The following SLC44A5 variants were observed in gnomAD, a reference collection of about 807,000 sequenced individuals.
SLC44A5 encodes the protein choline transporter-like protein 5.
Under a neutral mutation model 101.8 loss-of-function variants are expected in SLC44A5, and 57 were observed. The observed-to-expected ratio is 0.56, with a 90% CI of 0.45 to 0.70. The LOEUF is 0.70. Ranked by LOEUF, SLC44A5 falls within the 30% of genes least tolerant of loss-of-function variation. SLC44A5 has a pLI of 0.00. For missense variants in SLC44A5, 737 were observed against 853.1 expected (o/e 0.86, Z 1.70); for synonymous variants, 281 against 290.9 (o/e 0.97, Z 0.35).
chr1:75,270,020 T>C (rs567451233), intron 6 of SLC44A5, among the ~76,000 whole-genome samples: 168 of 152,242 alleles, frequency 1.1e-3, no homozygotes, highest in Admixed American at 3.5e-3. Context: ...TTCTGTCTTG[T>C]CTGCCACCGT....
intron 2 of SLC44A5, among the ~76,000 whole-genome samples, chr1:75,481,360 T>C: frequency 6.6e-6 from 1 of 152,064 alleles, no homozygotes; most frequent in East Asian, 1.9e-4. Context: ...ACTTCATATC[T>C]AAAACACCAA....
intron 1 of SLC44A5, chr1:75,582,351 C>T: frequency 8.8e-7 from 1 of 1,141,650 alleles, no homozygotes. Flanking sequence ...CCCAAGATCC[C>T]AAAGGGTGTC....
intron 1 of SLC44A5, among the ~76,000 whole-genome samples, chr1:75,578,704 A>G (rs1673513283): frequency 6.6e-6 from 1 of 152,174 alleles, no homozygotes; most frequent in Admixed American, 6.6e-5. Flanking sequence ...AACAAGTTCC[A>G]GAGCTTTATT....
At chr1:75,451,204 G>A (rs1665889380) in intron 2 of SLC44A5, among the ~76,000 whole-genome samples, 1 of 152,176 alleles carries the variant, frequency 6.6e-6, no homozygotes, top group Non-Finnish European at 1.5e-5. Context: ...CTGCCCACCA[G>A]AGCTGAGCAG....
chr1:75,699,779 CA>C, the SLC44A5 span, among the ~76,000 whole-genome samples: 1 of 152,070 alleles, frequency 6.6e-6, no homozygotes, highest in East Asian at 1.9e-4. Flanking sequence ...TGCAGAGACA[CA>C]CATAGGCTCA....
chr1:75,387,426 A>G, intron 3 of SLC44A5, among the ~76,000 whole-genome samples: 1 of 104,464 alleles, frequency 9.6e-6, no homozygotes, highest in Non-Finnish European at 1.9e-5. Flanking sequence ...TTCTCAAAAG[A>G]AGACATTTAT....
At chr1:75,376,129 C>T (rs531228302) in intron 3 of SLC44A5, among the ~76,000 whole-genome samples, 14 of 152,290 alleles carry the variant, frequency 9.2e-5, no homozygotes, top group South Asian at 4.1e-4. Flanking sequence ...CTTTTCCGAC[C>T]GGCTTAAAAA....
chr1:75,331,181 T>C (rs1286141833), intron 4 of SLC44A5, among the ~76,000 whole-genome samples: 1 of 152,056 alleles, frequency 6.6e-6, no homozygotes, highest in East Asian at 1.9e-4. Context: ...GGCAGACAAC[T>C]CCCAATTCTT....
At chr1:75,585,032 C>T (rs1673916069) in intron 1 of SLC44A5, among the ~76,000 whole-genome samples, 1 of 152,168 alleles carries the variant, frequency 6.6e-6, no homozygotes, top group Admixed American at 6.5e-5. Flanking sequence ...AGCTAAACTC[C>T]ATAGCCAGAA....
At chr1:75,468,661 C>T (rs530255232) in intron 2 of SLC44A5, among the ~76,000 whole-genome samples, 1 of 152,074 alleles carries the variant, frequency 6.6e-6, no homozygotes, top group South Asian at 2.1e-4. Flanking sequence ...AGGATGGTTA[C>T]CACAGGCTGG....
At chr1:75,559,241 G>T (rs1336901428) in intron 1 of SLC44A5, among the ~76,000 whole-genome samples, 3 of 151,934 alleles carry the variant, frequency 2.0e-5, no homozygotes, top group Non-Finnish European at 2.9e-5. Flanking sequence ...AAGCGTAATA[G>T]GAAATCATGA....
chr1:75,561,899 C>T (rs1022166762), intron 1 of SLC44A5, among the ~76,000 whole-genome samples: 10 of 151,742 alleles, frequency 6.6e-5, no homozygotes, highest in African/African-American at 2.4e-4. Context: ...TGCAGTTGTA[C>T]TTTTTATCAA....
chr1:75,673,356 G>A, the SLC44A5 span, among the ~76,000 whole-genome samples: 2 of 152,050 alleles, frequency 1.3e-5, no homozygotes, highest in Non-Finnish European at 2.9e-5. Context: ...GGAAAGACTG[G>A]GAAAGACTTT....
chr1:75,300,445 A>G (rs1654363421), intron 5 of SLC44A5, among the ~76,000 whole-genome samples, 167 bp downstream of exon 5: 1 of 152,096 alleles, frequency 6.6e-6, no homozygotes, highest in South Asian at 2.1e-4. Flanking sequence ...TTCATTTTTT[A>G]TTGTCTGCTA....
At chr1:75,653,350 C>T in the SLC44A5 span, among the ~76,000 whole-genome samples, 2 of 152,124 alleles carry the variant, frequency 1.3e-5, no homozygotes, top group South Asian at 2.1e-4. Flanking sequence ...GGTATGGTGG[C>T]ACATGCCTAT....
chr1:75,376,238 A>C (rs901249219), intron 3 of SLC44A5, among the ~76,000 whole-genome samples: 1 of 152,226 alleles, frequency 6.6e-6, no homozygotes, highest in South Asian at 2.1e-4. Flanking sequence ...ATCAAACTGC[A>C]AGGCGGCAGC....
chr1:75,547,198 A>G (rs561359129), intron 1 of SLC44A5, among the ~76,000 whole-genome samples: 10 of 152,206 alleles, frequency 6.6e-5, no homozygotes, highest in Admixed American at 2.0e-4. Context: ...AAGGAAAAAA[A>G]TTCAACTTTA....
rs534850363 is a variant in SLC44A5 at position 75,349,553 on chromosome 1, G to A, written c.53-9923C>T. ...AAAGGGTGAAATAAAGACACTTTCA[G>A]GCAAAACAAATGAGAGTTTGCCCCA... On this transcript the variant is annotated intron_variant, in intron 3 of 23. Transcript: ENST00000370859. Among the ~76,000 whole-genome samples, 3 of 152,232 alleles carry A rather than the reference G, an allele frequency of 2.0e-5. No homozygotes were observed. In the South Asian group the frequency reaches 6.2e-4, roughly 32 times the overall value.
the SLC44A5 span, among the ~76,000 whole-genome samples, chr1:75,716,606 T>C: frequency 1.3e-5 from 2 of 152,232 alleles, no homozygotes; most frequent in African/African-American, 4.8e-5. Flanking sequence ...ATCCCATTAC[T>C]GGGCATACAC....
Sources: allele counts gnomAD v4.1 joint callset (sites outside exome capture counted in the v4.1 genomes callset), GRCh38; gene constraint gnomAD v4.1.1; transcripts MANE v1.5; gene names NCBI Gene and HGNC (gene_info 2026-07-23, HGNC 2026-07-21).